HIP1: variants seen among roughly 807,000 people sequenced by gnomAD.
HIP1 encodes the protein huntingtin interacting protein 1, also known as huntingtin-interacting protein 1.
In HIP1, 65 loss-of-function variants were observed where a neutral mutation model predicts 147.6. The ratio of observed to expected loss-of-function variants is 0.44; its 90% confidence interval spans 0.36 to 0.54. The LOEUF (loss-of-function observed/expected upper bound fraction) is 0.54. HIP1 is among the 20% of genes least tolerant of loss of function. The probability of loss-of-function intolerance (pLI) is 0.00; values close to 1 mark genes in which losing one functional copy is unlikely to be tolerated. For synonymous variants in HIP1, 479 were observed against 504.0 expected, an observed-to-expected ratio of 0.95 and a Z score of 0.67; for missense variants, 1,061 against 1,299.6, an observed-to-expected ratio of 0.82 and a Z score of 2.82.
At position 75,541,946 on chromosome 7, in the gene HIP1, C is replaced by G; in HGVS notation, c.2925G>C (p.Gln975His). The change falls in exon 29 of 31, where the codon CAG becomes CAC. Residue 975 changes from glutamine (Q) to histidine (H), a missense_variant. Around this residue, in one of 3 missense-constraint regions of HIP1, gnomAD observed 810 missense variants for 946.8 expected, o/e 0.86. Coordinates refer to ENST00000336926, the MANE Select transcript of HIP1 (RefSeq NM_005338.7). ...NMDFSSMTLTQIKRQEMDSQV... is the reference protein window; with the variant it reads ...NMDFSSMTLTHIKRQEMDSQV... Reference sequence around the variant, plus strand: ...GAGAATCCATCTCTTGGCGTTTGATCTGTGTCAGCGTCATGCTTGAGAAGT... The same window carrying G: ...GAGAATCCATCTCTTGGCGTTTGATGTGTGTCAGCGTCATGCTTGAGAAGT... The G allele has an allele frequency of 6.2e-7, 1 of 1,613,944 alleles. No homozygotes were observed. Among genetic ancestry groups the G allele is most frequent in the Non-Finnish European group, 8.5e-7 (1 of 1,179,816 alleles).
chr7:75,555,594 T>C, intron 18 of HIP1, 43 bp from the exon 19 acceptor site: 2 of 1,610,264 alleles, frequency 1.2e-6, no homozygotes, highest in Non-Finnish European at 1.7e-6. Flanking sequence ...CTAGACTCCA[T>C]AATGAACCTG....
At chr7:75,631,140 AT>A (rs11423074) in intron 1 of HIP1, among the ~76,000 whole-genome samples, 50 of 147,798 alleles carry the variant, frequency 3.4e-4, no homozygotes, top group East Asian at 6.0e-4. Flanking sequence ...TGTTTTTTAA[AT>A]TTTTTTTTTT....
chr7:75,715,979 A>G (rs1801306842), intron 1 of HIP1, among the ~76,000 whole-genome samples: 1 of 151,798 alleles, frequency 6.6e-6, no homozygotes, highest in Non-Finnish European at 1.5e-5. Context: ...CTTTTAAACA[A>G]CCAGCTCTCA....
At chr7:75,570,353 A>G (rs1305803674) in intron 8 of HIP1, among the ~76,000 whole-genome samples, 3 of 148,170 alleles carry the variant, frequency 2.0e-5, no homozygotes, top group Admixed American at 1.4e-4. Flanking sequence ...GTGCAGTGGC[A>G]CGATCTCGGC....
intron 25 of HIP1, among the ~76,000 whole-genome samples, chr7:75,545,842 G>A (rs782157376): frequency 6.6e-6 from 1 of 152,166 alleles, no homozygotes; most frequent in South Asian, 2.1e-4. Context: ...TCGGGAGGCT[G>A]AGGCAGGAGA....
rs187390013 is a variant in HIP1 at position 75,572,008 on chromosome 7, G to A, written c.745+1753C>T. ...GCGGATCACTTGAGGCCAGGAGTTC[G>A]AGACCAGCCTGGCCAACATGGGGAA... On this transcript the variant is annotated intron_variant, in intron 8 of 30. Coordinates refer to ENST00000336926, the MANE Select transcript of HIP1 (RefSeq NM_005338.7). Among the ~76,000 whole-genome samples the A allele has an allele frequency of 1.8e-4, 27 of 152,214 alleles. No homozygotes were observed. The East Asian group carries it at 3.1e-3, about 17-fold the overall frequency.
chr7:75,589,010 C>T (rs1036667721), intron 4 of HIP1, among the ~76,000 whole-genome samples: 20 of 151,504 alleles, frequency 1.3e-4, no homozygotes, highest in Middle Eastern at 3.5e-3. Flanking sequence ...ATTAGCTGGG[C>T]GTGGTGGCAC....
At chr7:75,586,499 G>C (rs1429756786) in intron 5 of HIP1, among the ~76,000 whole-genome samples, 1 of 152,112 alleles carries the variant, frequency 6.6e-6, no homozygotes, top group East Asian at 1.9e-4. Context: ...ACCGTGCCTG[G>C]CCAGGTTTCT....
At chr7:75,695,136 C>G (rs915859697) in intron 1 of HIP1, among the ~76,000 whole-genome samples, 6 of 152,188 alleles carry the variant, frequency 3.9e-5, no homozygotes, top group Non-Finnish European at 8.8e-5. Flanking sequence ...TTTATATTAG[C>G]AGTGAGGCTC....
At chr7:75,680,367 C>T (rs1800023219) in intron 1 of HIP1, among the ~76,000 whole-genome samples, 1 of 151,950 alleles carries the variant, frequency 6.6e-6, no homozygotes, top group Admixed American at 6.6e-5. Context: ...TAAATATCTC[C>T]ACCCATTTCT....
intron 1 of HIP1, among the ~76,000 whole-genome samples, chr7:75,665,069 A>G (rs1217573104): frequency 5.3e-5 from 8 of 152,142 alleles, no homozygotes; most frequent in Admixed American, 1.3e-4. Context: ...TGGGAAATAT[A>G]GTGAATATAG....
At chr7:75,621,094 C>T (rs1276117133) in intron 1 of HIP1, among the ~76,000 whole-genome samples, 1 of 152,120 alleles carries the variant, frequency 6.6e-6, no homozygotes, top group Non-Finnish European at 1.5e-5. Context: ...AAAAATTAGC[C>T]TGGCTTGGTG....
intron 1 of HIP1, among the ~76,000 whole-genome samples, chr7:75,638,265 C>T (rs1307972657): frequency 3.3e-5 from 5 of 151,942 alleles, no homozygotes; most frequent in Non-Finnish European, 7.4e-5. Context: ...CAGGTGCTCC[C>T]TGCGAACCCC....
At chr7:75,594,518 G>A (rs1554501464) in intron 2 of HIP1, among the ~76,000 whole-genome samples, 1 of 152,142 alleles carries the variant, frequency 6.6e-6, no homozygotes, top group African/African-American at 2.4e-5. Context: ...GCTCACGGCT[G>A]TAATCACAGG....
chr7:75,679,771 G>A (rs1486311531), intron 1 of HIP1, among the ~76,000 whole-genome samples: 3 of 152,050 alleles, frequency 2.0e-5, no homozygotes, highest in African/African-American at 7.2e-5. Context: ...CTCCCTTGGT[G>A]GTCTCCAACA....
intron 1 of HIP1, among the ~76,000 whole-genome samples, chr7:75,682,018 C>CTTT (rs71098063): frequency 4.7e-5 from 4 of 84,226 alleles, no homozygotes; most frequent in South Asian, 4.4e-4. Flanking sequence ...GCAACAACCT[C>CTTT]TTTTTTTTTT....
chr7:75,586,637 C>T, intron 5 of HIP1, 116 bp downstream of exon 5: 1 of 710,670 alleles, frequency 1.4e-6, no homozygotes, highest in Non-Finnish European at 2.5e-6. Context: ...TGCACACTTC[C>T]TCAGAAGCCT....
At chr7:75,727,976 C>G (rs138711523) in intron 1 of HIP1, among the ~76,000 whole-genome samples, 193 of 152,222 alleles carry the variant, frequency 1.3e-3, no homozygotes, top group African/African-American at 4.5e-3. Flanking sequence ...TGGGGCCAGA[C>G]AAGCCAGGTT....
chr7:75,697,798 C>T (rs1292608582), intron 1 of HIP1, among the ~76,000 whole-genome samples: 3 of 152,088 alleles, frequency 2.0e-5, no homozygotes, highest in African/African-American at 4.8e-5. Flanking sequence ...GGCGACAGAG[C>T]GAGACTCCGT....
Sources: allele counts gnomAD v4.1 joint callset (sites outside exome capture counted in the v4.1 genomes callset), GRCh38; gene constraint gnomAD v4.1.1; regional missense constraint gnomAD v4.1.1; transcripts MANE v1.5; gene names NCBI Gene and HGNC (gene_info 2026-07-23, HGNC 2026-07-21).